Variants in CNOT8 observed in about 807,000 individuals in gnomAD.
The protein encoded by CNOT8 is CAF1-like protein.
CNOT8 carries 18 observed loss-of-function variants against 34.6 expected under a neutral mutation model. The observed-to-expected ratio is 0.52, with a 90% confidence interval of 0.36 to 0.77. CNOT8 has a LOEUF of 0.77. CNOT8 is among the 30% of genes least tolerant of loss of function. CNOT8 has a pLI of 0.00. For synonymous variants in CNOT8, 101 were observed against 118.8 expected (o/e 0.85, Z 0.98); for missense variants, 189 against 347.9 (o/e 0.54, Z 3.63).
intron 3 of CNOT8, among the ~76,000 whole-genome samples, chr5:154,866,276 G>A (rs769711126): frequency 1.3e-5 from 2 of 151,992 alleles, no homozygotes; most frequent in South Asian, 2.1e-4. Flanking sequence ...ATCCTCCCAC[G>A]TCAGCCCCCT....
chr5:154,865,490 A>G, intron 3 of CNOT8, 105 bp downstream of exon 3: 1 of 659,366 alleles, frequency 1.5e-6, no homozygotes, highest in Non-Finnish European at 2.4e-6. Flanking sequence ...AGGGAATCTC[A>G]GCAAGTGAAG....
At chr5:154,863,481 A>G in intron 2 of CNOT8, 86 bp downstream of exon 2, 1 of 922,782 alleles carries the variant, frequency 1.1e-6, no homozygotes, top group Non-Finnish European at 1.8e-6. Flanking sequence ...TGCGGTGGCT[A>G]TTCACAGATG....
Position 154,862,134 on chromosome 5 carries a change from A to G in CNOT8, c.-72-1073A>G, listed in dbSNP as rs1008913526. ...TGATTTTTCTCCTGGAAAATACACC[A>G]TGAATCATTCTGTTTCTGGTTGAAT... On this transcript the variant is annotated intron_variant, in intron 1 of 6. Transcript: ENST00000285896. 2.6e-5 allele frequency among the ~76,000 whole-genome samples: 4 copies of G among 152,310 alleles called. No homozygotes were observed. In the East Asian group the frequency reaches 7.7e-4, roughly 29 times the overall value.
intron 1 of CNOT8, among the ~76,000 whole-genome samples, chr5:154,862,299 C>T (rs1761424539): frequency 6.6e-6 from 1 of 151,994 alleles, no homozygotes; most frequent in Non-Finnish European, 1.5e-5. Flanking sequence ...GGTGAAACCC[C>T]ATCTCTACTA....
At chr5:154,867,669 A>G in intron 3 of CNOT8, 1 of 273,614 alleles carries the variant, frequency 3.7e-6, no homozygotes, top group Non-Finnish European at 7.3e-6. Context: ...TCTTTCTTCA[A>G]AGAACTTTTT....
chr5:154,872,722 G>A (rs1045906153), intron 6 of CNOT8, 71 bp downstream of exon 6: 24 of 761,888 alleles, frequency 3.2e-5, no homozygotes, highest in Non-Finnish European at 4.8e-5. Context: ...GTAGTGGATG[G>A]TCTGTTATGT....
chr5:154,859,907 A>G (rs1181935485), intron 1 of CNOT8: 1 of 152,212 alleles, frequency 6.6e-6, no homozygotes, highest in Non-Finnish European at 1.5e-5. Context: ...TCCTTCTTGC[A>G]CAGTTTTCTG....
At chr5:154,867,308 T>C (rs980711218) in intron 3 of CNOT8, among the ~76,000 whole-genome samples, 3 of 152,058 alleles carry the variant, frequency 2.0e-5, no homozygotes, top group African/African-American at 7.2e-5. Flanking sequence ...ATAGAGAAAA[T>C]AGTCTGGAAA....
rs148700929 is a variant in CNOT8, at chr5:154,861,806, C to T, written c.-72-1401C>T. ...CTCTGCCTCCTGGGTTCAAGCGATT[C>T]TGCTGCCTCAGCCTCCCGAGTAGCT... On this transcript the variant is annotated intron_variant, in intron 1 of 6. Transcript: ENST00000285896. 3.9e-3 allele frequency among the ~76,000 whole-genome samples: 597 copies of T among 152,346 alleles called. 17 individuals are homozygous for T. The East Asian group carries it at 0.052, about 13-fold the overall frequency.
At chr5:154,865,783 T>C (rs1226830837) in intron 3 of CNOT8, among the ~76,000 whole-genome samples, 1 of 152,122 alleles carries the variant, frequency 6.6e-6, no homozygotes, top group Non-Finnish European at 1.5e-5. Context: ...ATATAGAATT[T>C]TGGGGGAAAT....
chr5:154,876,671 G>A lies in CNOT8; in HGVS notation c.*1232G>A, dbSNP rs1411228749. On this transcript the variant is annotated 3_prime_UTR_variant, in exon 7 of 7. Transcript: ENST00000285896. ...ATGGTCTTGCATTTTAAAAGCTTAT[G>A]GGAAACTCAATTTGAAATGATTAGA... is the stretch of plus-strand genomic sequence containing the variant. 2 of 152,616 alleles carry A rather than the reference G, an allele frequency of 1.3e-5. No individual in the cohort carries two copies. Among genetic ancestry groups the A allele is most frequent in the African/African-American group, 4.8e-5 (2 of 41,436 alleles). 9.5% of individuals were successfully genotyped at this position (152,616 alleles called of 1,614,324 possible).
intron 3 of CNOT8, among the ~76,000 whole-genome samples, chr5:154,866,835 C>T (rs183267482): frequency 1.3e-5 from 2 of 152,300 alleles, no homozygotes; most frequent in African/African-American, 2.4e-5. Context: ...ATCACTTGAA[C>T]CTGTGAGGTG....
chr5:154,874,329 C>G (rs907241384), intron 6 of CNOT8, among the ~76,000 whole-genome samples: 1 of 152,146 alleles, frequency 6.6e-6, no homozygotes. Flanking sequence ...GTAATCCCAG[C>G]ACTTTGGGAG....
At position 154,863,444 on chromosome 5, in the gene CNOT8, G is replaced by A. The variant is rs902116781; in HGVS notation, c.117+49G>A. ...CCTTCTTTGTCACTTTTAAAGTTGG[G>A]GTCTTGCTCTGTTGCCCAGGCTGGA... On this transcript the variant is annotated intron_variant, in intron 2 of 6. Transcript: ENST00000285896. The A allele has an allele frequency of 2.9e-6, 4 of 1,396,878 alleles. No homozygotes were observed. The African/African-American group carries it at 4.2e-5, about 15-fold the overall frequency. The allele number at this position is 1,396,878 out of a possible 1,614,324, so 86.5% of individuals were successfully genotyped here.
intron 3 of CNOT8, among the ~76,000 whole-genome samples, chr5:154,869,064 G>A (rs939801910): frequency 2.0e-5 from 3 of 152,054 alleles, no homozygotes; most frequent in East Asian, 1.9e-4. Context: ...GCTGGAAGGC[G>A]CGTCAGGTCA....
chr5:154,871,649 A>C, intron 4 of CNOT8, 81 bp from the exon 5 acceptor site: 3 of 1,364,254 alleles, frequency 2.2e-6, no homozygotes, highest in South Asian at 2.6e-5. Context: ...TAGCATTTAC[A>C]AGCTTTGAGA....
chr5:154,873,808 G>A (rs549236294), intron 6 of CNOT8, among the ~76,000 whole-genome samples: 1 of 152,218 alleles, frequency 6.6e-6, no homozygotes, highest in South Asian at 2.1e-4. Flanking sequence ...TTCTCAACTG[G>A]GGATGATTTT....
chr5:154,874,862 C>G (rs961243225), intron 6 of CNOT8, among the ~76,000 whole-genome samples: 12 of 151,374 alleles, frequency 7.9e-5, no homozygotes, highest in African/African-American at 2.9e-4. Context: ...GTTTTTTTTT[C>G]TAGTTTGGTA....
intron 5 of CNOT8, 57 bp from the exon 6 acceptor site, chr5:154,872,484 C>A: frequency 1.8e-6 from 2 of 1,128,354 alleles, no homozygotes; most frequent in Non-Finnish European, 1.3e-6. Flanking sequence ...ACTTAGTTGG[C>A]TCCAGTAGGG....
Sources: allele counts gnomAD v4.1 joint callset (sites outside exome capture counted in the v4.1 genomes callset), GRCh38; gene constraint gnomAD v4.1.1; transcripts MANE v1.5; gene names NCBI Gene and HGNC (gene_info 2026-07-23, HGNC 2026-07-21).